SCAPER: variants seen among roughly 807,000 people sequenced by gnomAD.
SCAPER encodes S phase cyclin A-associated protein in the endoplasmic reticulum.
In SCAPER, 98 loss-of-function variants were observed where a neutral mutation model predicts 182.2. The ratio of observed to expected loss-of-function variants is 0.54; its 90% CI spans 0.46 to 0.64. The LOEUF (loss-of-function observed/expected upper bound fraction) is 0.64. SCAPER is among the 30% of genes least tolerant of loss of function. SCAPER has a pLI of 0.00. For synonymous variants in SCAPER, 605 were observed against 564.6 expected, an observed-to-expected ratio of 1.07 and a Z score of -1.01; for missense variants, 1,432 against 1,690.0, an observed-to-expected ratio of 0.85 and a Z score of 2.68.
At chr15:76,492,749 A>G (rs2052445235) in intron 24 of SCAPER, among the ~76,000 whole-genome samples, 1 of 152,126 alleles carries the variant, frequency 6.6e-6, no homozygotes, top group Non-Finnish European at 1.5e-5. Context: ...TCAGCAAAAA[A>G]CCTGGGGACA....
intron 22 of SCAPER, among the ~76,000 whole-genome samples, chr15:76,581,191 A>G (rs544072600): frequency 7.9e-5 from 12 of 152,330 alleles, no homozygotes; most frequent in African/African-American, 2.6e-4. Flanking sequence ...AAAAAAGTCC[A>G]GGACCTGATG....
chr15:76,845,853 T>C (rs549531448), intron 4 of SCAPER, among the ~76,000 whole-genome samples: 1 of 151,972 alleles, frequency 6.6e-6, no homozygotes, highest in Admixed American at 6.5e-5. Context: ...TCCTAAAATA[T>C]ATACAGAACC....
intron 5 of SCAPER, among the ~76,000 whole-genome samples, chr15:76,839,255 T>C (rs2069233379): frequency 6.6e-6 from 1 of 152,176 alleles, no homozygotes. Context: ...GACACAGAAC[T>C]GAACTGTGAT....
chr15:76,577,156 G>C (rs1006187692), intron 22 of SCAPER, among the ~76,000 whole-genome samples: 3 of 151,962 alleles, frequency 2.0e-5, no homozygotes, highest in African/African-American at 7.2e-5. Flanking sequence ...AGACTAAAGA[G>C]GACTCTGTGC....
In SCAPER at chr15:76,728,660, G is replaced by T. The variant is rs986360312; in HGVS notation, c.2100C>A (p.Ala700=). The T allele has an allele frequency of 8.1e-6, 13 of 1,613,416 alleles. No individual in the cohort carries two copies. The African/African-American group carries it at 1.6e-4, about 20-fold the overall frequency. The change falls in exon 17 of 32, where the codon GCC becomes GCA. Residue 700 remains alanine, a synonymous_variant. Coordinates refer to ENST00000563290, the MANE Select transcript of SCAPER (RefSeq NM_020843.4). Reference sequence around the variant, plus strand: ...TTTCTTGCCTCTGTTGTTCAATTCGGGCTTCTTGTTCTTTCCTCTTCATTA... The same window carrying T: ...TTTCTTGCCTCTGTTGTTCAATTCGTGCTTCTTGTTCTTTCCTCTTCATTA... ...ELLMKRKEQE[A]RIEQQRQEKE...
At chr15:76,634,684 A>G (rs1049760641) in intron 21 of SCAPER, among the ~76,000 whole-genome samples, 1 of 152,148 alleles carries the variant, frequency 6.6e-6, no homozygotes, top group Non-Finnish European at 1.5e-5. Flanking sequence ...ATTATTAATT[A>G]CTTTATTCTT....
At chr15:76,567,915 T>C (rs2047161121) in intron 23 of SCAPER, among the ~76,000 whole-genome samples, 1 of 152,100 alleles carries the variant, frequency 6.6e-6, no homozygotes, top group South Asian at 2.1e-4. Flanking sequence ...TTAATTTCTT[T>C]TGTGTCATTT....
chr15:76,798,789 C>T (rs746537944), intron 7 of SCAPER, among the ~76,000 whole-genome samples: 9 of 152,144 alleles, frequency 5.9e-5, no homozygotes, highest in Non-Finnish European at 1.5e-5. Flanking sequence ...AAGAATTCTA[C>T]ATACTACAAA....
At chr15:76,376,360 G>A in intron 28 of SCAPER, 49 bp from the exon 29 acceptor site, 3 of 1,540,654 alleles carry the variant, frequency 1.9e-6, no homozygotes, top group Non-Finnish European at 1.8e-6. Context: ...GGGAGAGCCA[G>A]GGCTGCAAAT....
At chr15:76,417,771 C>T (rs1044075527) in intron 26 of SCAPER, among the ~76,000 whole-genome samples, 6 of 152,096 alleles carry the variant, frequency 3.9e-5, no homozygotes, top group African/African-American at 1.4e-4. Flanking sequence ...TGTAATCCCA[C>T]AACTTTGGGA....
In SCAPER at chr15:76,758,744, T is replaced by A. The variant is rs989968230; in HGVS notation, c.1726-4796A>T. ...CAGGGATATCTTTCTATTTACTTGCTGCTTTAAATTTTCTTTCATAAATTT... is the reference window on the plus strand; with the variant it reads ...CAGGGATATCTTTCTATTTACTTGCAGCTTTAAATTTTCTTTCATAAATTT... On this transcript the variant is annotated intron_variant, in intron 14 of 31. Transcript: ENST00000563290. 1.2e-4 allele frequency among the ~76,000 whole-genome samples: 19 copies of A among 152,326 alleles called. 1 individual carries two copies. The highest frequency in any genetic ancestry group is 4.1e-4 in the African/African-American group (17 of 41,588).
At chr15:76,727,328 G>A (rs918000622) in intron 17 of SCAPER, among the ~76,000 whole-genome samples, 1 of 151,950 alleles carries the variant, frequency 6.6e-6, no homozygotes, top group Non-Finnish European at 1.5e-5. Flanking sequence ...AAAAAATAAG[G>A]TGAAGGATAG....
chr15:76,395,651 T>C (rs1412550260), intron 27 of SCAPER, among the ~76,000 whole-genome samples: 1 of 152,242 alleles, frequency 6.6e-6, no homozygotes, highest in Admixed American at 6.5e-5. Flanking sequence ...TGTCTTCTTT[T>C]GAGAAATGTC....
At position 76,777,578 on chromosome 15, in the gene SCAPER, G is replaced by A. The variant is rs557451218; in HGVS notation, c.773-2461C>T. On this transcript the variant is annotated intron_variant, in intron 8 of 31. Transcript: ENST00000563290. The stretch of plus-strand genomic sequence containing the variant: ...ACATGGTGGCACATGCCTGTAATCC[G>A]AGCTACTTGGGAGACTGAGACAGAA... Among the ~76,000 whole-genome samples, 92 of 152,118 alleles carry A rather than the reference G, an allele frequency of 6.0e-4. 2 individuals are homozygous for A. Among genetic ancestry groups the A allele is most frequent in the Middle Eastern group, 3.4e-3 (1 of 294 alleles).
chr15:76,533,230 C>T (rs1597239838), intron 23 of SCAPER, among the ~76,000 whole-genome samples: 2 of 152,102 alleles, frequency 1.3e-5, no homozygotes, highest in East Asian at 1.9e-4. Context: ...GAAGGAAGTG[C>T]ACTGTTAAAA....
At chr15:76,530,827 C>T (rs889136127) in intron 23 of SCAPER, among the ~76,000 whole-genome samples, 1 of 151,804 alleles carries the variant, frequency 6.6e-6, no homozygotes, top group African/African-American at 2.4e-5. Context: ...GAGGGAAGTA[C>T]GTAGAGATTT....
intron 2 of SCAPER, among the ~76,000 whole-genome samples, chr15:76,875,214 G>GA (rs1278528588): frequency 6.6e-6 from 1 of 151,930 alleles, no homozygotes; most frequent in Non-Finnish European, 1.5e-5. Context: ...GAATAAAGAA[G>GA]AAAAAACACA....
At chr15:76,510,407 A>G (rs953943718) in intron 23 of SCAPER, among the ~76,000 whole-genome samples, 1 of 152,154 alleles carries the variant, frequency 6.6e-6, no homozygotes, top group African/African-American at 2.4e-5. Flanking sequence ...AACAACAAAC[A>G]AACAACCCCA....
Position 76,474,499 on chromosome 15 carries a change from G to C in SCAPER, c.2955-3164C>G, listed in dbSNP as rs1339696602. On this transcript the variant is annotated intron_variant, in intron 24 of 31. Coordinates refer to ENST00000563290, the MANE Select transcript of SCAPER (RefSeq NM_020843.4). ...AGACATTGGAGTAAGATACTAGTTA[G>C]AATCCTACTTCTACCATTCAAGATT... 6.6e-5 allele frequency among the ~76,000 whole-genome samples: 10 copies of C among 152,270 alleles called. No homozygotes were observed. The East Asian group carries it at 1.9e-3, about 29-fold the overall frequency.
Sources: gnomAD v4.1 joint callset for allele counts (sites outside exome capture counted in the v4.1 genomes callset) on GRCh38, gnomAD v4.1.1 for gene constraint, MANE v1.5 for transcripts, NCBI Gene and HGNC (gene_info 2026-07-23, HGNC 2026-07-21) for gene names.